The following CREM variants were observed in gnomAD, a reference collection of about 807,000 sequenced individuals.
CREM encodes the protein cAMP-responsive element modulator.
In CREM, 13 loss-of-function variants were observed where a neutral mutation model predicts 37.3. The observed-to-expected ratio is 0.35, with a 90% CI of 0.23 to 0.55. CREM has a LOEUF of 0.55. CREM is among the 20% of genes least tolerant of loss of function. The probability of loss-of-function intolerance (pLI) is 0.88; values close to 1 mark genes in which losing one functional copy is unlikely to be tolerated. For synonymous variants in CREM, 124 were observed against 120.2 expected (o/e 1.03, Z -0.21); for missense variants, 296 against 362.3 (o/e 0.82, Z 1.49).
intron 3 of CREM, among the ~76,000 whole-genome samples, chr10:35,177,276 A>T (rs1416553355): frequency 6.6e-6 from 1 of 152,110 alleles, no homozygotes; most frequent in Non-Finnish European, 1.5e-5. Context: ...TGTAAGAATA[A>T]TTCTCATCAT....
intron 5 of CREM, among the ~76,000 whole-genome samples, chr10:35,185,055 ATTCATTCATTCT>A (rs1410014717): frequency 6.7e-6 from 1 of 149,116 alleles, no homozygotes; most frequent in East Asian, 2.0e-4. Context: ...TCATTCATTC[ATTCATTCATTCT>A]ATTTTTTGAG....
chr10:35,208,631 A>G (rs553547021), intron 7 of CREM, among the ~76,000 whole-genome samples: 1 of 152,284 alleles, frequency 6.6e-6, no homozygotes, highest in East Asian at 1.9e-4. Flanking sequence ...AGCATGTATC[A>G]TTCATTCTCA....
intron 7 of CREM, among the ~76,000 whole-genome samples, chr10:35,210,912 A>C (rs1174392115): frequency 6.6e-6 from 1 of 152,164 alleles, no homozygotes; most frequent in Non-Finnish European, 1.5e-5. Flanking sequence ...TAATTAAGAG[A>C]ATTGAAAGGA....
chr10:35,165,075 A>T (rs927363994), intron 3 of CREM, among the ~76,000 whole-genome samples: 4 of 128,076 alleles, frequency 3.1e-5, no homozygotes, highest in African/African-American at 1.1e-4. Flanking sequence ...AAAAAAAAAA[A>T]AAAGAAAAGG....
chr10:35,148,306 C>T lies in CREM; in HGVS notation c.45-62C>T. 4 of 1,500,326 alleles carry T rather than the reference C, an allele frequency of 2.7e-6. No homozygotes were observed. In the African/African-American group the frequency reaches 5.7e-5, roughly 21 times the overall value. The allele number at this position is 1,500,326 out of a possible 1,614,324, so 92.9% of individuals were successfully genotyped here. A position where few individuals can be genotyped will look rare whatever the true frequency, so the allele number is the denominator to read the frequency against. ...GGATTTTTGGATTAGGGATGTTCAACCTGTATTTCCAAATACTTAAGATAG... is the reference window on the plus strand; with the variant it reads ...GGATTTTTGGATTAGGGATGTTCAATCTGTATTTCCAAATACTTAAGATAG... On this transcript the variant is annotated intron_variant, in intron 2 of 7. Coordinates refer to ENST00000685392, the MANE Select transcript of CREM (RefSeq NM_183011.2).
chr10:35,153,089 A>G (rs192293407), intron 3 of CREM, among the ~76,000 whole-genome samples: 72 of 152,172 alleles, frequency 4.7e-4, no homozygotes, highest in African/African-American at 1.4e-3. Flanking sequence ...TAATACAACA[A>G]AAATTTTTGC....
At chr10:35,183,276 C>T (rs1324820993) in intron 5 of CREM, among the ~76,000 whole-genome samples, 1 of 152,074 alleles carries the variant, frequency 6.6e-6, no homozygotes, top group Non-Finnish European at 1.5e-5. Context: ...AAAATATGAA[C>T]TTTGTGGACT....
At chr10:35,187,148 TATATATA>T (rs1564922155) in intron 5 of CREM, among the ~76,000 whole-genome samples, 3 of 59,734 alleles carry the variant, frequency 5.0e-5, no homozygotes, top group African/African-American at 6.7e-5. Flanking sequence ...TAATATATAA[TATATATA>T]ATATATATTA....
rs577757198 is a variant in CREM at position 35,211,510 on chromosome 10, T to G, written c.*112T>G. The G allele has an allele frequency of 1.6e-4, 233 of 1,495,200 alleles. No individual in the cohort carries two copies. In the African/African-American group the frequency reaches 2.7e-3, roughly 17 times the overall value. 92.6% of individuals were successfully genotyped at this position (1,495,200 alleles called of 1,614,324 possible). A position where few individuals can be genotyped will look rare whatever the true frequency, so the allele number is the denominator to read the frequency against. On this transcript the variant is annotated 3_prime_UTR_variant, in exon 8 of 8. Transcript: ENST00000685392. ...CACGTGTGACCCTTAAGAATCCAGT[T>G]TGGATTAGTGTTTGAAATTGAATTG...
rs745351115 is a variant in CREM, at chr10:35,207,007, A to G, written c.711A>G (p.Ala237=). The G allele has an allele frequency of 1.2e-6, 2 of 1,614,138 alleles. No homozygotes were observed. Among genetic ancestry groups the G allele is most frequent in the East Asian group, 2.2e-5 (1 of 44,890 alleles). ...GTTTGCACAGTCCCCAGCAGCTGGC[A>G]GAAGAAGCAACACGCAAACGAGAGC... ...PGSLHSPQQL[A]EEATRKRELR... is the part of the protein sequence containing the mutation. Residue 237 remains alanine (A), a synonymous_variant, in exon 7 of 8, where the codon GCA becomes GCG. Transcript: ENST00000685392.
At chr10:35,162,769 G>T (rs1299355212) in intron 3 of CREM, among the ~76,000 whole-genome samples, 6 of 152,110 alleles carry the variant, frequency 3.9e-5, no homozygotes, top group Non-Finnish European at 8.8e-5. Flanking sequence ...CACAGTAGAG[G>T]CCAGTTGTAG....
intron 6 of CREM, among the ~76,000 whole-genome samples, chr10:35,203,283 T>A (rs1336770937): frequency 6.6e-6 from 1 of 152,134 alleles, no homozygotes; most frequent in Non-Finnish European, 1.5e-5. Flanking sequence ...TGGACTCAAG[T>A]GAACCTCCTA....
chr10:35,148,837 C>G (rs2092368435), intron 3 of CREM, among the ~76,000 whole-genome samples: 1 of 152,046 alleles, frequency 6.6e-6, no homozygotes. Flanking sequence ...ACCATTTTCC[C>G]CGTATATATT....
intron 7 of CREM, chr10:35,209,436 A>C: frequency 1.1e-6 from 1 of 881,872 alleles, no homozygotes; most frequent in Non-Finnish European, 1.4e-6. Context: ...ATGGCTGAGG[A>C]GTGCTTAGGA....
chr10:35,194,714 T>C (rs964768983), intron 6 of CREM, among the ~76,000 whole-genome samples: 3 of 151,682 alleles, frequency 2.0e-5, no homozygotes, highest in East Asian at 1.9e-4. Flanking sequence ...CTATGAAATA[T>C]GGTATTTCTT....
At chr10:35,132,429 G>A (rs1006081489) in intron 1 of CREM, among the ~76,000 whole-genome samples, 5 of 152,130 alleles carry the variant, frequency 3.3e-5, no homozygotes, top group African/African-American at 1.2e-4. Context: ...GTCCTTTAGT[G>A]ATTTTAGTAA....
Position 35,134,455 on chromosome 10 carries a change from G to A in CREM, c.-54-3327G>A, listed in dbSNP as rs186037939. 2.6e-4 allele frequency among the ~76,000 whole-genome samples: 39 copies of A among 152,212 alleles called. No individual in the cohort carries two copies. The East Asian group carries it at 5.0e-3, about 20-fold the overall frequency. ...TGGTCTTGAACTCTTGACCTCAGGCGATCTGCCCGCCTCAGCCTTCCAGAG... is the reference window on the plus strand; with the variant it reads ...TGGTCTTGAACTCTTGACCTCAGGCAATCTGCCCGCCTCAGCCTTCCAGAG... On this transcript the variant is annotated intron_variant, in intron 1 of 7. Coordinates refer to ENST00000685392, the MANE Select transcript of CREM (RefSeq NM_183011.2).
intron 6 of CREM, among the ~76,000 whole-genome samples, chr10:35,190,533 T>C (rs2094865362): frequency 6.6e-6 from 1 of 152,208 alleles, no homozygotes; most frequent in African/African-American, 2.4e-5. Context: ...AAGTTCCCCT[T>C]GTCTTTTTTC....
At chr10:35,191,730 C>T (rs745602074) in intron 6 of CREM, among the ~76,000 whole-genome samples, 2 of 152,116 alleles carry the variant, frequency 1.3e-5, no homozygotes, top group African/African-American at 2.4e-5. Context: ...GCTAAGCTTC[C>T]CCTGCCCCTG....
Sources: allele counts gnomAD v4.1 joint callset (sites outside exome capture counted in the v4.1 genomes callset), GRCh38; gene constraint gnomAD v4.1.1; transcripts MANE v1.5; gene names NCBI Gene and HGNC (gene_info 2026-07-23, HGNC 2026-07-21).